The following AP3B1 variants were observed in gnomAD, a reference collection of about 807,000 sequenced individuals.
AP3B1 encodes adaptor related protein complex 3 subunit beta 1.
Under a neutral mutation model 132.5 loss-of-function variants are expected in AP3B1, and 61 were observed. The ratio of observed to expected loss-of-function variants is 0.46; its 90% CI spans 0.37 to 0.57. The LOEUF is 0.57. Among genes scored for constraint, AP3B1 ranks in the 20% least tolerant of loss-of-function variants. The pLI, the probability that AP3B1 is intolerant of heterozygous loss-of-function variation, is 0.00. For missense variants in AP3B1, 1,120 were observed against 1,289.4 expected (o/e 0.87, Z 2.01); for synonymous variants, 388 against 438.3 (o/e 0.89, Z 1.43).
At chr5:78,210,132 C>A (rs1247127511) in intron 7 of AP3B1, among the ~76,000 whole-genome samples, 1 of 152,120 alleles carries the variant, frequency 6.6e-6, no homozygotes, top group African/African-American at 2.4e-5. Context: ...ACCACAACTT[C>A]TCAGTATTTT....
chr5:78,173,250 G>A (rs201740548), intron 11 of AP3B1, among the ~76,000 whole-genome samples: 1 of 152,098 alleles, frequency 6.6e-6, no homozygotes, highest in Admixed American at 6.5e-5. Flanking sequence ...TGGGATGGAG[G>A]GTTCTGTAGA....
chr5:78,228,775 C>T (rs1746505354), intron 3 of AP3B1, among the ~76,000 whole-genome samples: 1 of 152,132 alleles, frequency 6.6e-6, no homozygotes, highest in Non-Finnish European at 1.5e-5. Context: ...TAAAAGAGTC[C>T]AGAGCCCTAA....
intron 21 of AP3B1, among the ~76,000 whole-genome samples, chr5:78,097,397 C>G (rs1239914183): frequency 7.5e-6 from 1 of 133,898 alleles, no homozygotes; most frequent in African/African-American, 2.8e-5. Flanking sequence ...GGTCAGCCCC[C>G]CGCCCGGCCA....
chr5:78,045,098 T>C (rs1402744575), intron 22 of AP3B1, among the ~76,000 whole-genome samples: 1 of 152,080 alleles, frequency 6.6e-6, no homozygotes, highest in African/African-American at 2.4e-5. Context: ...AATGAAAACA[T>C]AGCCAGGTGT....
intron 22 of AP3B1, among the ~76,000 whole-genome samples, chr5:78,073,054 C>T (rs1749611228): frequency 1.3e-5 from 2 of 152,004 alleles, no homozygotes; most frequent in African/African-American, 4.8e-5. Context: ...GTGGTTTTTA[C>T]TTTTCTTTGA....
In AP3B1 at chr5:78,100,863, A is replaced by G. The variant is rs1254322759; in HGVS notation, c.2470+90T>C. The stretch of plus-strand genomic sequence containing the variant: ...TAAGTCTTTCACAATAAATATTGAT[A>G]TATTTTGGGACATGTAAATGAAAGG... On this transcript the variant is annotated intron_variant, in intron 21 of 26. Transcript: ENST00000255194. 7 of 741,020 alleles carry G rather than the reference A, an allele frequency of 9.4e-6. No individual in the cohort carries two copies. In the East Asian group the frequency reaches 1.9e-4, roughly 20 times the overall value. The allele number at this position is 741,020 out of a possible 1,614,324, so 45.9% of individuals were successfully genotyped here. A position where few individuals can be genotyped will look rare whatever the true frequency, so the allele number is the denominator to read the frequency against.
intron 22 of AP3B1, among the ~76,000 whole-genome samples, chr5:78,070,333 G>A (rs1176930837): frequency 6.6e-6 from 1 of 151,300 alleles, no homozygotes; most frequent in African/African-American, 2.4e-5. Flanking sequence ...CTTGAACCCA[G>A]GAGGCAGAGG....
chr5:78,071,808 C>A (rs1453772494), intron 22 of AP3B1, among the ~76,000 whole-genome samples: 3 of 152,176 alleles, frequency 2.0e-5, no homozygotes, highest in African/African-American at 7.2e-5. Flanking sequence ...CAAGGCAACC[C>A]TTCCCCTATG....
At chr5:78,009,191 A>G (rs1438038229) in intron 26 of AP3B1, among the ~76,000 whole-genome samples, 1 of 151,870 alleles carries the variant, frequency 6.6e-6, no homozygotes, top group Non-Finnish European at 1.5e-5. Flanking sequence ...ACAGTGGCGC[A>G]TGCTTGTAAT....
chr5:78,137,165 G>C (rs372177264), intron 15 of AP3B1, among the ~76,000 whole-genome samples: 201 of 152,234 alleles, frequency 1.3e-3, no homozygotes, highest in East Asian at 7.5e-3. Flanking sequence ...GTATTTTAGA[G>C]ACTCTGGACA....
At chr5:78,110,829 G>A (rs1751558706) in intron 19 of AP3B1, among the ~76,000 whole-genome samples, 1 of 150,846 alleles carries the variant, frequency 6.6e-6, no homozygotes, top group Non-Finnish European at 1.5e-5. Flanking sequence ...TGCAATCACG[G>A]CTCACTGCAG....
chr5:78,211,348 C>T (rs1459045533), intron 7 of AP3B1, among the ~76,000 whole-genome samples: 1 of 152,184 alleles, frequency 6.6e-6, no homozygotes, highest in Non-Finnish European at 1.5e-5. Flanking sequence ...GATATGACTG[C>T]AATCTACTTT....
chr5:78,286,079 C>T (rs541157265), intron 1 of AP3B1, among the ~76,000 whole-genome samples: 1 of 152,322 alleles, frequency 6.6e-6, no homozygotes, highest in East Asian at 1.9e-4. Flanking sequence ...CAAGGCCCTA[C>T]ACAATCAGGT....
chr5:78,005,998 G>A (rs77624187), intron 26 of AP3B1, among the ~76,000 whole-genome samples: 5,102 of 152,278 alleles, frequency 0.034, 287 homozygotes, highest in African/African-American at 0.12. Flanking sequence ...GAACCTCTGT[G>A]CTTGGCCTTG....
chr5:78,219,070 G>A (rs911500093), intron 6 of AP3B1, among the ~76,000 whole-genome samples: 22 of 151,902 alleles, frequency 1.4e-4, no homozygotes, highest in East Asian at 3.9e-4. Context: ...TTATCCCTAC[G>A]GTTTAGCTAT....
At chr5:78,095,184 C>T (rs370156275) in intron 21 of AP3B1, among the ~76,000 whole-genome samples, 70 of 152,178 alleles carry the variant, frequency 4.6e-4, no homozygotes, top group Middle Eastern at 3.4e-3. Context: ...TTAGAATCTC[C>T]AGTATGTAGC....
At chr5:78,045,344 G>A (rs943834241) in intron 22 of AP3B1, among the ~76,000 whole-genome samples, 2 of 144,296 alleles carry the variant, frequency 1.4e-5, no homozygotes, top group African/African-American at 2.6e-5. Context: ...TAGTGCCACT[G>A]TCCTCAAGTC....
intron 24 of AP3B1, among the ~76,000 whole-genome samples, chr5:78,030,928 C>A (rs535118601): frequency 6.6e-6 from 1 of 152,292 alleles, no homozygotes; most frequent in East Asian, 1.9e-4. Context: ...AATTCTCCCG[C>A]TTTGGCCTCC....
At chr5:78,080,414 T>C (rs905637921) in intron 22 of AP3B1, among the ~76,000 whole-genome samples, 2 of 152,136 alleles carry the variant, frequency 1.3e-5, no homozygotes, top group Admixed American at 6.6e-5. Context: ...TGCCACAATT[T>C]ATGTATCTAT....
Sources: gnomAD v4.1 joint callset for allele counts (sites outside exome capture counted in the v4.1 genomes callset) on GRCh38, gnomAD v4.1.1 for gene constraint, MANE v1.5 for transcripts, NCBI Gene and HGNC (gene_info 2026-07-23, HGNC 2026-07-21) for gene names.